The following OTULINL variants were observed in gnomAD, a reference collection of about 807,000 sequenced individuals.
The protein encoded by OTULINL is inactive ubiquitin thioesterase OTULINL.
OTULINL carries 42 observed loss-of-function variants against 43.9 expected under a neutral mutation model. The ratio of observed to expected loss-of-function variants is 0.96; its 90% CI spans 0.75 to 1.24. OTULINL has a LOEUF of 1.24. Among genes scored for constraint, OTULINL ranks in the 50% most tolerant of loss-of-function variants. The probability of loss-of-function intolerance (pLI) is 0.00; values close to 1 mark genes in which losing one functional copy is unlikely to be tolerated. For synonymous variants in OTULINL, 172 were observed against 153.6 expected, an observed-to-expected ratio of 1.12 and a Z score of -0.88; for missense variants, 411 against 426.4, an observed-to-expected ratio of 0.96 and a Z score of 0.32.
At chr5:14,609,695 A>G (rs1033913751) in intron 7 of OTULINL, among the ~76,000 whole-genome samples, 44 of 143,804 alleles carry the variant, frequency 3.1e-4, no homozygotes, top group Admixed American at 7.9e-4. Context: ...CTGTGGCGCG[A>G]TCTCCGCTCA....
In OTULINL at chr5:14,610,905, C is replaced by T. The variant is rs1022488228; in HGVS notation, c.*591C>T. On this transcript the variant is annotated 3_prime_UTR_variant, in exon 8 of 8. Coordinates refer to ENST00000274217, the MANE Select transcript of OTULINL (RefSeq NM_019018.3). ...GTATAGTTTTATATATACATATATA[C>T]ACATAGACATACAGAGAACCACTAC... The T allele has an allele frequency of 6.6e-6, 1 of 152,186 alleles. No individual in the cohort carries two copies. Among genetic ancestry groups the T allele is most frequent in the East Asian group, 1.9e-4 (1 of 5,172 alleles). The allele number at this position is 152,186 out of a possible 1,614,324, so 9.4% of individuals were successfully genotyped here.
intron 7 of OTULINL, among the ~76,000 whole-genome samples, 183 bp downstream of exon 7, chr5:14,609,200 G>A (rs1363668513): frequency 6.6e-6 from 1 of 152,198 alleles, no homozygotes; most frequent in South Asian, 2.1e-4. Context: ...TGTGCTGGCT[G>A]CTTTGTGTCT....
chr5:14,583,749 A>G (rs571075213), intron 1 of OTULINL, among the ~76,000 whole-genome samples: 3 of 152,320 alleles, frequency 2.0e-5, no homozygotes, highest in East Asian at 1.9e-4. Context: ...CTTCTTTGCC[A>G]GTGGTGTTTG....
rs1457934191 is a variant in OTULINL at position 14,608,933 on chromosome 5, G to A, written c.813G>A (p.Leu271=). Residue 271 remains leucine, a synonymous_variant, in exon 7 of 8, where the codon CTG becomes CTA. Coordinates refer to ENST00000274217, the MANE Select transcript of OTULINL (RefSeq NM_019018.3). ...TCATTCCCAGTCTTTTTAGACTCCT[G>A]TTTTCCAGGGAGACATCCTCTGATC... ...KKVIPSLFRL[L]FSRETSSDPL... is the part of the protein sequence containing the mutation. The A allele has an allele frequency of 6.2e-7, 1 of 1,614,024 alleles. No homozygotes were observed. Among genetic ancestry groups the A allele is most frequent in the Admixed American group, 1.7e-5 (1 of 60,012 alleles).
At chr5:14,585,476 G>A (rs1034546436) in intron 1 of OTULINL, among the ~76,000 whole-genome samples, 3 of 152,072 alleles carry the variant, frequency 2.0e-5, no homozygotes, top group Admixed American at 1.3e-4. Flanking sequence ...AGTCTTGACT[G>A]GGTATAATTA....
In OTULINL at chr5:14,582,804, T is replaced by C. The variant is rs527626290; in HGVS notation, c.64+846T>C. 1.1e-4 allele frequency among the ~76,000 whole-genome samples: 13 copies of C among 122,080 alleles called. No homozygotes were observed. The East Asian group carries it at 3.0e-3, about 28-fold the overall frequency. 80.1% of individuals were successfully genotyped at this position (122,080 alleles called of 152,430 possible). A position where few individuals can be genotyped will look rare whatever the true frequency, so the allele number is the denominator to read the frequency against. ...CACTCTCAGCCAGGGAGACAGAGCC[T>C]TGCTCTGTCCAAAAAAAAAAAAAAA... On this transcript the variant is annotated intron_variant, in intron 1 of 7. Transcript: ENST00000274217.
intron 1 of OTULINL, among the ~76,000 whole-genome samples, chr5:14,584,825 A>G (rs1014994721): frequency 2.0e-5 from 3 of 152,190 alleles, no homozygotes; most frequent in Non-Finnish European, 2.9e-5. Context: ...CCATTCAAGT[A>G]GGCACAACTG....
rs764451933 is a variant in OTULINL, at chr5:14,607,431, G to A, written c.600G>A (p.Arg200=). The A allele has an allele frequency of 6.2e-7, 1 of 1,614,094 alleles. No homozygotes were observed. Among genetic ancestry groups the A allele is most frequent in the South Asian group, 1.1e-5 (1 of 91,076 alleles). ...YTGSNVFGKL[R]KYVELLKTQW... ...GCTCGAATGTGTTTGGAAAACTACG[G>A]AAATATGTGGAATTATTGAAAACAC... The change falls in exon 6 of 8, where the codon CGG becomes CGA. Residue 200 remains arginine (R), a synonymous_variant. Coordinates refer to ENST00000274217, the MANE Select transcript of OTULINL (RefSeq NM_019018.3).
intron 1 of OTULINL, 114 bp from the exon 2 acceptor site, chr5:14,600,851 A>T: frequency 1.1e-6 from 1 of 926,550 alleles, no homozygotes; most frequent in South Asian, 3.2e-5. Flanking sequence ...TAAATCAGTG[A>T]TAGATACTTT....
At chr5:14,608,549 G>A (rs892637350) in intron 6 of OTULINL, among the ~76,000 whole-genome samples, 199 bp from the exon 7 acceptor site, 2 of 152,142 alleles carry the variant, frequency 1.3e-5, no homozygotes, top group Admixed American at 6.5e-5. Flanking sequence ...AGGAAGTTGA[G>A]GGAGACATGT....
rs1426633961 is a variant in OTULINL, at chr5:14,581,818, G to A, written c.-77G>A. 1.0e-5 allele frequency: 12 copies of A among 1,199,294 alleles called. No individual in the cohort carries two copies. The highest frequency in any genetic ancestry group is 3.4e-5 in the East Asian group (1 of 29,278). The allele number at this position is 1,199,294 out of a possible 1,614,324, so 74.3% of individuals were successfully genotyped here. The stretch of plus-strand genomic sequence containing the variant: ...CCTCAGGGAAGCGAGCCCGGGCGCC[G>A]GCGGGCGGCCGTCGCGTCTGACAGA... On this transcript the variant is annotated 5_prime_UTR_variant, in exon 1 of 8. Transcript: ENST00000274217.
intron 1 of OTULINL, among the ~76,000 whole-genome samples, chr5:14,588,388 CCCT>C (rs1759143535): frequency 1.3e-5 from 2 of 152,144 alleles, no homozygotes; most frequent in East Asian, 3.9e-4. Context: ...TCCCTCAGTT[CCCT>C]CCTCATTTCA....
intron 1 of OTULINL, among the ~76,000 whole-genome samples, chr5:14,587,854 T>C (rs915607227): frequency 1.3e-5 from 2 of 152,210 alleles, no homozygotes; most frequent in African/African-American, 4.8e-5. Flanking sequence ...CATATGTAAT[T>C]GATTCATTTG....
rs1007651015 is a variant in OTULINL at position 14,611,982 on chromosome 5, C to G, written c.*1668C>G. 2 of 152,182 alleles carry G rather than the reference C, an allele frequency of 1.3e-5. No individual in the cohort carries two copies. The highest frequency in any genetic ancestry group is 4.8e-5 in the African/African-American group (2 of 41,446). The allele number at this position is 152,182 out of a possible 1,614,324, so 9.4% of individuals were successfully genotyped here. A position where few individuals can be genotyped will look rare whatever the true frequency, so the allele number is the denominator to read the frequency against. Reference sequence around the variant, plus strand: ...GTCGTGTGTACTACATGAACCATGTCTGATGGTAGCTTGTTCCCACTGTCA... The same window carrying G: ...GTCGTGTGTACTACATGAACCATGTGTGATGGTAGCTTGTTCCCACTGTCA... On this transcript the variant is annotated 3_prime_UTR_variant, in exon 8 of 8. Transcript: ENST00000274217.
chr5:14,582,351 G>A (rs1759019587), intron 1 of OTULINL, among the ~76,000 whole-genome samples: 1 of 152,036 alleles, frequency 6.6e-6, no homozygotes. Flanking sequence ...CCCGGGGCGC[G>A]TGGACCCGCG....
Position 14,581,799 on chromosome 5 carries a change from G to C in OTULINL, c.-96G>C, listed in dbSNP as rs1579910803. On this transcript the variant is annotated 5_prime_UTR_variant, in exon 1 of 8. Transcript: ENST00000274217. Reference sequence around the variant, plus strand: ...CCCCGCCCTCCCCAGCCCGCCTCAGGGAAGCGAGCCCGGGCGCCGGCGGGC... The same window carrying C: ...CCCCGCCCTCCCCAGCCCGCCTCAGCGAAGCGAGCCCGGGCGCCGGCGGGC... The C allele has an allele frequency of 9.6e-7, 1 of 1,045,366 alleles. No homozygotes were observed. Among genetic ancestry groups the C allele is most frequent in the Non-Finnish European group, 1.2e-6 (1 of 807,136 alleles). The allele number at this position is 1,045,366 out of a possible 1,614,324, so 64.8% of individuals were successfully genotyped here.
At chr5:14,586,432 A>T (rs1243395512) in intron 1 of OTULINL, among the ~76,000 whole-genome samples, 1 of 152,228 alleles carries the variant, frequency 6.6e-6, no homozygotes, top group East Asian at 1.9e-4. Flanking sequence ...CTAGGAGACA[A>T]AAGCCTGTTG....
In OTULINL at chr5:14,609,008, A is replaced by G; in HGVS notation, c.888A>G (p.Gly296=). 6.2e-7 allele frequency: 1 copy of G among 1,606,716 alleles called. No individual in the cohort carries two copies. The highest frequency in any genetic ancestry group is 8.5e-7 in the Non-Finnish European group (1 of 1,174,928). The change falls in exon 7 of 8, where the codon GGA becomes GGG. Residue 296 remains glycine, a synonymous_variant. Transcript: ENST00000274217. Reference sequence around the variant, plus strand: ...TGAATTCTGTAGGCGACACATGTGGACTAGAGCAGGTAACCGGGGAGGAAG... The same window carrying G: ...TGAATTCTGTAGGCGACACATGTGGGCTAGAGCAGGTAACCGGGGAGGAAG... ...NHLNSVGDTC[G]LEQIDMFILG...
At chr5:14,602,692 T>C (rs981309944) in intron 5 of OTULINL, among the ~76,000 whole-genome samples, 1 of 152,160 alleles carries the variant, frequency 6.6e-6, no homozygotes, top group Non-Finnish European at 1.5e-5. Context: ...CACTTCCTCC[T>C]CCTAGAGTGC....
Sources: gnomAD v4.1 joint callset for allele counts (sites outside exome capture counted in the v4.1 genomes callset) on GRCh38, gnomAD v4.1.1 for gene constraint, MANE v1.5 for transcripts, NCBI Gene and HGNC (gene_info 2026-07-23, HGNC 2026-07-21) for gene names.